The following DHX33 variants were observed in gnomAD, a reference collection of about 807,000 sequenced individuals.
DHX33 encodes DEAH-box helicase 33, also known as ATP-dependent RNA helicase DHX33.
In DHX33, 42 loss-of-function variants were observed where a neutral mutation model predicts 72.5. The observed-to-expected ratio is 0.58, with a 90% confidence interval of 0.45 to 0.75. DHX33 has a LOEUF of 0.75. Ranked by LOEUF, DHX33 falls within the 30% of genes least tolerant of loss-of-function variation. DHX33 has a pLI of 0.00. For synonymous variants in DHX33, 358 were observed against 366.1 expected, an observed-to-expected ratio of 0.98 and a Z score of 0.25; for missense variants, 842 against 917.5, an observed-to-expected ratio of 0.92 and a Z score of 1.06.
chr17:5,468,925 AACAGGAGCAC>A lies in DHX33; in HGVS notation c.-76_-67del. The stretch of plus-strand genomic sequence containing the variant: ...CTCCTGCCCCCTCTCAGGTGCAGAC[AACAGGAGCAC>A]ACCGCCCCTTCCTCGCCGCCACGTG... On this transcript the variant is annotated 5_prime_UTR_variant, in exon 1 of 12. Coordinates refer to ENST00000225296, the MANE Select transcript of DHX33 (RefSeq NM_020162.4). The A allele has an allele frequency of 6.6e-7, 1 of 1,523,286 alleles. No homozygotes were observed. Among genetic ancestry groups the A allele is most frequent in the Non-Finnish European group, 8.9e-7 (1 of 1,128,006 alleles). The allele number at this position is 1,523,286 out of a possible 1,614,324, so 94.4% of individuals were successfully genotyped here. A position where few individuals can be genotyped will look rare whatever the true frequency, so the allele number is the denominator to read the frequency against.
chr17:5,452,116 C>T (rs1916945714), intron 8 of DHX33, among the ~76,000 whole-genome samples: 2 of 152,108 alleles, frequency 1.3e-5, no homozygotes, highest in African/African-American at 2.4e-5. Flanking sequence ...CAATTGGGTA[C>T]ACAGGTGTTA....
chr17:5,464,824 TC>T (rs1391953350), intron 1 of DHX33, among the ~76,000 whole-genome samples: 2 of 152,174 alleles, frequency 1.3e-5, no homozygotes, highest in African/African-American at 4.8e-5. Context: ...CTTCAAACCC[TC>T]TGCCTCTGCC....
Position 5,450,339 on chromosome 17 carries a change from A to G in DHX33, c.1592T>C (p.Val531Ala), listed in dbSNP as rs1483268043. ...EILTIVSLLS[V>A]DSVLHNPPSR... is the part of the protein sequence containing the mutation. ...AGGAGGGTTGTGGAGGACGCTGTCC[A>G]CAGACAGCAGGGAGACAATGGTCAG... Residue 531 changes from valine (V) to alanine (A), a missense_variant, in exon 10 of 12, where the codon GTG becomes GCG. Transcript: ENST00000225296. The G allele has an allele frequency of 6.2e-7, 1 of 1,614,090 alleles. No homozygotes were observed. The highest frequency in any genetic ancestry group is 8.5e-7 in the Non-Finnish European group (1 of 1,180,044).
chr17:5,452,187 T>C (rs1597358004), intron 8 of DHX33, among the ~76,000 whole-genome samples: 1 of 152,044 alleles, frequency 6.6e-6, no homozygotes, highest in East Asian at 1.9e-4. Context: ...AATTTAGCAA[T>C]GAAAGAAAAA....
Position 5,460,968 on chromosome 17 carries a change from C to T in DHX33, c.820G>A (p.Ala274Thr), listed in dbSNP as rs375120834. Residue 274 changes from alanine to threonine, a missense_variant, in exon 4 of 12, where the codon GCG becomes ACG. Coordinates refer to ENST00000225296, the MANE Select transcript of DHX33 (RefSeq NM_020162.4). ...KQPQNDYLHA[A>T]LVSVFQIHQE... ...TGGATCTGGAAGACGGAGACAAGCGCGGCGTGCAGGTAATCATTCTGAGGC... is the reference window on the plus strand; with the variant it reads ...TGGATCTGGAAGACGGAGACAAGCGTGGCGTGCAGGTAATCATTCTGAGGC... 31 of 1,613,566 alleles carry T rather than the reference C, an allele frequency of 1.9e-5. No individual in the cohort carries two copies. Among genetic ancestry groups the T allele is most frequent in the Admixed American group, 1.0e-4 (6 of 59,974 alleles).
At position 5,444,317 on chromosome 17, in the gene DHX33, A is replaced by T. The variant is rs1292331387; in HGVS notation, c.2012T>A (p.Leu671Gln). The T allele has an allele frequency of 1.2e-6, 2 of 1,613,732 alleles. No homozygotes were observed. Among genetic ancestry groups the T allele is most frequent in the South Asian group, 2.2e-5 (2 of 91,054 alleles). ...CKPACVVYTE[L>Q]LYTNKCYMRD... ...CATGTAGCACTTGTTGGTGTAGAGC[A>T]GCTCAGTGTACACGACGCAGGCCGG... Residue 671 changes from leucine (L) to glutamine (Q), a missense_variant, in exon 12 of 12, where the codon CTG becomes CAG. Physicochemically the swap from Leu to Gln is moderately radical, Grantham distance 113. Coordinates refer to ENST00000225296, the MANE Select transcript of DHX33 (RefSeq NM_020162.4). The surrounding 1 kb of genome is among the most constrained non-coding windows in gnomAD (Gnocchi z 4.9).
intron 4 of DHX33, among the ~76,000 whole-genome samples, chr17:5,458,208 G>C (rs940917175): frequency 1.3e-5 from 2 of 152,026 alleles, no homozygotes; most frequent in African/African-American, 4.8e-5. Context: ...CTGCACAAAG[G>C]CCCAGGAGAG....
chr17:5,466,785 T>C (rs923288777), intron 1 of DHX33, among the ~76,000 whole-genome samples: 3 of 152,206 alleles, frequency 2.0e-5, no homozygotes, highest in African/African-American at 7.2e-5. Context: ...GTCTAAGTCC[T>C]AGGCTGTACA....
At chr17:5,463,467 G>C in intron 2 of DHX33, 62 bp downstream of exon 2, 1 of 1,517,764 alleles carries the variant, frequency 6.6e-7, no homozygotes, top group Non-Finnish European at 9.0e-7. Flanking sequence ...ATAAAAGGCA[G>C]TGGGCATGGG....
intron 10 of DHX33, among the ~76,000 whole-genome samples, chr17:5,449,594 G>A (rs112555599): frequency 0.083 from 12,674 of 152,108 alleles, 655 homozygotes; most frequent in East Asian, 0.21. Flanking sequence ...GCACAACCAC[G>A]CCCGGCTAAT....
At chr17:5,463,787 G>A (rs1904751585) in intron 1 of DHX33, 98 bp from the exon 2 acceptor site, 8 of 1,211,522 alleles carry the variant, frequency 6.6e-6, no homozygotes, top group South Asian at 1.6e-5. Flanking sequence ...TTGGGAGGCC[G>A]AGGTAGGAGG....
At chr17:5,461,284 G>T in intron 3 of DHX33, 175 bp from the exon 4 acceptor site, 1 of 490,660 alleles carries the variant, frequency 2.0e-6, no homozygotes, top group Non-Finnish European at 3.4e-6. Context: ...GAGCACACAG[G>T]TCTGTTTCCT....
chr17:5,451,244 C>A (rs886659818), intron 8 of DHX33, among the ~76,000 whole-genome samples: 2 of 151,888 alleles, frequency 1.3e-5, no homozygotes, highest in African/African-American at 4.8e-5. Context: ...TAGCTGGGAC[C>A]ACAGGCGCCC....
At chr17:5,446,300 C>T (rs1290930215) in intron 11 of DHX33, among the ~76,000 whole-genome samples, 1 of 152,166 alleles carries the variant, frequency 6.6e-6, no homozygotes, top group Non-Finnish European at 1.5e-5. Context: ...CTTTTATCTC[C>T]TTATCTGTCA....
At chr17:5,445,580 C>G (rs975825180) in intron 11 of DHX33, among the ~76,000 whole-genome samples, 1 of 152,196 alleles carries the variant, frequency 6.6e-6, no homozygotes, top group Non-Finnish European at 1.5e-5. Context: ...AACCTACGCC[C>G]CTGGGCACAG....
chr17:5,453,552 C>A (rs750992830), intron 8 of DHX33, 28 bp downstream of exon 8: 1 of 1,600,254 alleles, frequency 6.2e-7, no homozygotes, highest in Non-Finnish European at 8.6e-7. Context: ...CCTCACCCAC[C>A]TTCTGCAAAA....
At chr17:5,457,005 T>C (rs1904348312) in intron 4 of DHX33, among the ~76,000 whole-genome samples, 1 of 152,220 alleles carries the variant, frequency 6.6e-6, no homozygotes, top group African/African-American at 2.4e-5. Context: ...AATGCCCTGA[T>C]TTTTCTTTGA....
chr17:5,461,771 T>A lies in DHX33; in HGVS notation c.678+548A>T, dbSNP rs180840858. ...ACCACGTTGGCCAGGCTGGTCTCGA[T>A]CTCCTGACCTCAGGTGATCCACCGG... On this transcript the variant is annotated intron_variant, in intron 3 of 11. Transcript: ENST00000225296. Among the ~76,000 whole-genome samples the A allele has an allele frequency of 1.0e-3, 144 of 140,908 alleles. No individual in the cohort carries two copies. In the Middle Eastern group the frequency reaches 0.035, roughly 34 times the overall value. The allele number at this position is 140,908 out of a possible 152,430, so 92.4% of individuals were successfully genotyped here. A position where few individuals can be genotyped will look rare whatever the true frequency, so the allele number is the denominator to read the frequency against.
intron 4 of DHX33, among the ~76,000 whole-genome samples, chr17:5,459,478 G>C (rs554778812): frequency 1.3e-5 from 2 of 151,690 alleles, no homozygotes; most frequent in African/African-American, 4.8e-5. Context: ...TCTGTTTCCC[G>C]GGCTGGAGTG....
Sources: allele counts gnomAD v4.1 joint callset (sites outside exome capture counted in the v4.1 genomes callset), GRCh38; gene constraint gnomAD v4.1.1; non-coding constraint Gnocchi (gnomAD v3.1); transcripts MANE v1.5; gene names NCBI Gene and HGNC (gene_info 2026-07-23, HGNC 2026-07-21).